Variants in SCAI observed in about 807,000 individuals in gnomAD.
SCAI encodes the protein protein SCAI.
A neutral mutation model predicts 92.2 loss-of-function variants in SCAI; 24 were observed. The ratio of observed to expected loss-of-function variants is 0.26; its 90% confidence interval spans 0.19 to 0.37. SCAI has a LOEUF of 0.37. SCAI is among the 10% of genes least tolerant of loss of function. The pLI is 1.00. For synonymous variants in SCAI, 261 were observed against 258.6 expected (o/e 1.01, Z -0.09); for missense variants, 450 against 736.2 (o/e 0.61, Z 4.50).
intron 3 of SCAI, among the ~76,000 whole-genome samples, chr9:125,038,236 C>A (rs7875334): frequency 2.6e-4 from 39 of 152,180 alleles, no homozygotes; most frequent in African/African-American, 9.4e-4. Context: ...CAACAAGACC[C>A]TACCTCAAAA....
chr9:125,098,467 C>T (rs1372444717), intron 2 of SCAI, among the ~76,000 whole-genome samples: 1 of 152,070 alleles, frequency 6.6e-6, no homozygotes, highest in South Asian at 2.1e-4. Context: ...TTATTTTCCA[C>T]AAAATGACTA....
chr9:125,013,289 TAATA>T (rs1832677139), intron 9 of SCAI, among the ~76,000 whole-genome samples: 1 of 151,894 alleles, frequency 6.6e-6, no homozygotes, highest in Admixed American at 6.6e-5. Flanking sequence ...CTAGCAAGAC[TAATA>T]AAGAAGAAAA....
intron 2 of SCAI, among the ~76,000 whole-genome samples, chr9:125,120,687 C>T (rs1355598376): frequency 6.6e-6 from 1 of 151,870 alleles, no homozygotes; most frequent in African/African-American, 2.4e-5. Flanking sequence ...AACAAGACTC[C>T]ATCTCAAACA....
intron 6 of SCAI, among the ~76,000 whole-genome samples, chr9:125,022,711 C>T (rs12684101): frequency 0.17 from 25,776 of 152,138 alleles, 2,358 homozygotes; most frequent in East Asian, 0.24. Flanking sequence ...AGTCACCGCT[C>T]TTGGCCTCGA....
rs779168205 is a variant in SCAI at position 124,995,023 on chromosome 9, A to G, written c.1245-8T>C. 3 of 1,596,048 alleles carry G rather than the reference A, an allele frequency of 1.9e-6. No homozygotes were observed. ...AGATCCCCGGGATGAAGGCTGGGAA[A>G]ACAACAACGAAGAACTGTTAAACTG... On this transcript the variant is annotated splice_region_variant and splice_polypyrimidine_tract_variant and intron_variant, in intron 13 of 17. Transcript: ENST00000336505.
At chr9:125,023,606 C>A (rs1282763375) in intron 6 of SCAI, among the ~76,000 whole-genome samples, 2 of 151,934 alleles carry the variant, frequency 1.3e-5, no homozygotes, top group Non-Finnish European at 2.9e-5. Context: ...TTAAGCTTTG[C>A]AGGCCACATT....
At chr9:125,007,101 A>G (rs1832527084) in intron 9 of SCAI, among the ~76,000 whole-genome samples, 1 of 152,174 alleles carries the variant, frequency 6.6e-6, no homozygotes, top group South Asian at 2.1e-4. Context: ...CCTGGGTGAC[A>G]GAGCAAGACT....
At chr9:125,009,923 G>A (rs544761088) in intron 9 of SCAI, among the ~76,000 whole-genome samples, 68 of 151,658 alleles carry the variant, frequency 4.5e-4, no homozygotes, top group African/African-American at 1.4e-3. Flanking sequence ...TTGGCCAGGC[G>A]AGGAGGCACG....
At chr9:125,031,909 G>A (rs998211311) in intron 3 of SCAI, among the ~76,000 whole-genome samples, 1 of 151,890 alleles carries the variant, frequency 6.6e-6, no homozygotes, top group African/African-American at 2.4e-5. Context: ...TATCAATTTA[G>A]AGCCAGTCTC....
chr9:125,071,484 T>C (rs1316680850), intron 2 of SCAI, among the ~76,000 whole-genome samples: 1 of 152,110 alleles, frequency 6.6e-6, no homozygotes, highest in Non-Finnish European at 1.5e-5. Flanking sequence ...ATAAAGAAAC[T>C]GAATAATACC....
At chr9:125,017,725 C>A (rs1417251812) in intron 9 of SCAI, among the ~76,000 whole-genome samples, 1 of 152,032 alleles carries the variant, frequency 6.6e-6, no homozygotes, top group African/African-American at 2.4e-5. Flanking sequence ...AAAACAACTC[C>A]TGGCCAAGTG....
chr9:125,077,992 T>C (rs1834129864), intron 2 of SCAI, among the ~76,000 whole-genome samples: 1 of 151,524 alleles, frequency 6.6e-6, no homozygotes, highest in African/African-American at 2.4e-5. Flanking sequence ...AGTGCTGGGA[T>C]TACAGGCGTA....
chr9:124,966,916 CTTTTT>C (rs35221252), intron 17 of SCAI, among the ~76,000 whole-genome samples: 2 of 134,202 alleles, frequency 1.5e-5, no homozygotes, highest in South Asian at 2.4e-4. Context: ...CCCAGCTTGA[CTTTTT>C]TTTTTTTTTT....
chr9:125,002,221 C>A (rs1213552405), intron 11 of SCAI, among the ~76,000 whole-genome samples, 178 bp from the exon 12 acceptor site: 2 of 152,162 alleles, frequency 1.3e-5, no homozygotes, highest in East Asian at 1.9e-4. Flanking sequence ...GGCAGAGATT[C>A]ATTATTAATC....
At chr9:125,126,547 G>GAGGT (rs1483541858) in intron 2 of SCAI, among the ~76,000 whole-genome samples, 1 of 145,050 alleles carries the variant, frequency 6.9e-6, no homozygotes, top group African/African-American at 2.6e-5. Flanking sequence ...CCCGCAAAGT[G>GAGGT]AGGTGGGTGG....
intron 3 of SCAI, among the ~76,000 whole-genome samples, chr9:125,030,358 C>A (rs1466682634): frequency 1.2e-4 from 18 of 152,186 alleles, no homozygotes; most frequent in Non-Finnish European, 1.5e-5. Flanking sequence ...AGTGTTTCAG[C>A]ATTTTCAATT....
chr9:125,013,611 C>T (rs559207726), intron 9 of SCAI, among the ~76,000 whole-genome samples: 3 of 152,284 alleles, frequency 2.0e-5, no homozygotes, highest in African/African-American at 7.2e-5. Context: ...ACAAGAGGAA[C>T]TGGTACCATT....
intron 2 of SCAI, among the ~76,000 whole-genome samples, chr9:125,077,543 T>G (rs554215318): frequency 6.6e-6 from 1 of 152,308 alleles, no homozygotes; most frequent in South Asian, 2.1e-4. Context: ...CCAAAGTGAA[T>G]GTACCATTTC....
chr9:125,010,191 G>A (rs943882244), intron 9 of SCAI, among the ~76,000 whole-genome samples: 3 of 152,222 alleles, frequency 2.0e-5, no homozygotes, highest in Non-Finnish European at 4.4e-5. Flanking sequence ...AGGACAGTGG[G>A]TGCAGCGCAC....
Sources: allele counts gnomAD v4.1 joint callset (sites outside exome capture counted in the v4.1 genomes callset), GRCh38; gene constraint gnomAD v4.1.1; transcripts MANE v1.5; gene names NCBI Gene and HGNC (gene_info 2026-07-23, HGNC 2026-07-21).